The following PAK5 variants were observed in gnomAD, a reference collection of about 807,000 sequenced individuals.
PAK5 encodes the protein serine/threonine-protein kinase PAK 5.
In PAK5, 16 loss-of-function variants were observed where a neutral mutation model predicts 65.9. The ratio of observed to expected loss-of-function variants is 0.24; its 90% CI spans 0.16 to 0.37. The LOEUF is 0.37. PAK5 is among the 10% of genes least tolerant of loss of function. The probability of loss-of-function intolerance (pLI) is 1.00; values close to 1 mark genes in which losing one functional copy is unlikely to be tolerated. For synonymous variants in PAK5, 371 were observed against 354.9 expected, an observed-to-expected ratio of 1.05 and a Z score of -0.51; for missense variants, 785 against 903.9, an observed-to-expected ratio of 0.87 and a Z score of 1.69.
chr20:9,626,145 A>C (rs573938636), intron 3 of PAK5, among the ~76,000 whole-genome samples: 31 of 152,386 alleles, frequency 2.0e-4, no homozygotes, highest in African/African-American at 6.0e-4. Context: ...AAAATAAACT[A>C]ACAATCAACA....
chr20:9,571,288 C>G (rs763637123), intron 4 of PAK5, among the ~76,000 whole-genome samples: 1 of 152,208 alleles, frequency 6.6e-6, no homozygotes, highest in Non-Finnish European at 1.5e-5. Context: ...GATCTTAACC[C>G]ACATGCGGGG....
At position 9,644,192 on chromosome 20, in the gene PAK5, G is replaced by A. The variant is rs1184049921; in HGVS notation, c.137C>T (p.Thr46Met). 2.5e-6 allele frequency: 4 copies of A among 1,609,712 alleles called. No homozygotes were observed. Among genetic ancestry groups the A allele is most frequent in the East Asian group, 2.2e-5 (1 of 44,828 alleles). The change falls in exon 3 of 10, where the codon ACG (threonine) becomes ATG (methionine). Residue 46 changes from threonine (T) to methionine (M), a missense_variant. Coordinates refer to ENST00000353224, the MANE Select transcript of PAK5 (RefSeq NM_177990.4). ...PQQWHSLLAD[T>M]ANRPKPMVDP... ...CACCATAGGCTTTGGCCTGTTGGCC[G>A]TATCTGCTAACAGGCTGTGCCACTG...
intron 1 of PAK5, among the ~76,000 whole-genome samples, chr20:9,796,177 A>T (rs945132949): frequency 2.0e-5 from 3 of 152,130 alleles, no homozygotes; most frequent in African/African-American, 7.2e-5. Flanking sequence ...ATGAACTCTT[A>T]GATCTACTAG....
chr20:9,750,489 G>C (rs1413769261), intron 1 of PAK5, among the ~76,000 whole-genome samples: 1 of 152,078 alleles, frequency 6.6e-6, no homozygotes, highest in Non-Finnish European at 1.5e-5. Flanking sequence ...AAAGCACTAT[G>C]TATTTGACGA....
chr20:9,792,608 T>C (rs1219996267), intron 1 of PAK5, among the ~76,000 whole-genome samples: 1 of 152,136 alleles, frequency 6.6e-6, no homozygotes, highest in Non-Finnish European at 1.5e-5. Context: ...GAAACTTAAG[T>C]GGAGACAATC....
chr20:9,564,698 A>G (rs569093849), intron 5 of PAK5, among the ~76,000 whole-genome samples: 2 of 152,262 alleles, frequency 1.3e-5, no homozygotes, highest in South Asian at 2.1e-4. Context: ...AATCTAATAA[A>G]TTATCAGATA....
chr20:9,563,461 ACTAT>A (rs1321946086), intron 5 of PAK5, among the ~76,000 whole-genome samples: 3 of 152,204 alleles, frequency 2.0e-5, no homozygotes, highest in African/African-American at 7.2e-5. Context: ...AATGAAGTAA[ACTAT>A]CTATTATTAG....
intron 2 of PAK5, among the ~76,000 whole-genome samples, chr20:9,706,813 A>G (rs903534651): frequency 6.6e-6 from 1 of 151,656 alleles, no homozygotes; most frequent in African/African-American, 2.4e-5. Context: ...CAACCTACAA[A>G]TTTTTTTCTA....
intron 2 of PAK5, among the ~76,000 whole-genome samples, chr20:9,646,826 G>A (rs1445277131): frequency 6.6e-6 from 1 of 152,190 alleles, no homozygotes; most frequent in Non-Finnish European, 1.5e-5. Context: ...TGGAAGATGA[G>A]GGGCTGTGTA....
intron 3 of PAK5, among the ~76,000 whole-genome samples, chr20:9,592,010 A>C (rs996064476): frequency 6.6e-6 from 1 of 152,210 alleles, no homozygotes; most frequent in Admixed American, 6.5e-5. Context: ...CATATTTCAG[A>C]AATTGACTGT....
At chr20:9,586,689 A>G (rs1418075225) in intron 3 of PAK5, among the ~76,000 whole-genome samples, 2 of 152,122 alleles carry the variant, frequency 1.3e-5, no homozygotes, top group Non-Finnish European at 2.9e-5. Context: ...TTGTCTCCCA[A>G]GTGTGTTCAT....
At chr20:9,668,889 G>A (rs73240999) in intron 2 of PAK5, among the ~76,000 whole-genome samples, 9,225 of 152,268 alleles carry the variant, frequency 0.061, 289 homozygotes, top group Middle Eastern at 0.085. Flanking sequence ...GGGAAGGCAC[G>A]AGGAGCCTGC....
chr20:9,766,388 G>A lies in PAK5; in HGVS notation c.-161-54953C>T, dbSNP rs979097358. On this transcript the variant is annotated intron_variant, in intron 1 of 9. Transcript: ENST00000353224. Reference sequence around the variant, plus strand: ...ATATATATTCAAGCAGAATATATATGTATATATATATTCAAGCAGAATATA... The same window carrying A: ...ATATATATTCAAGCAGAATATATATATATATATATATTCAAGCAGAATATA... Among the ~76,000 whole-genome samples the A allele has an allele frequency of 0.014, 651 of 47,298 alleles. 147 individuals carry two copies. The East Asian group carries it at 0.14, about 10-fold the overall frequency. The allele number at this position is 47,298 out of a possible 152,430, so 31.0% of individuals were successfully genotyped here.
chr20:9,655,315 C>T (rs986512212), intron 2 of PAK5, among the ~76,000 whole-genome samples: 2 of 152,070 alleles, frequency 1.3e-5, no homozygotes, highest in African/African-American at 4.8e-5. Flanking sequence ...GTTTCAAATC[C>T]AGACCATTTT....
At chr20:9,663,061 T>C (rs965025065) in intron 2 of PAK5, among the ~76,000 whole-genome samples, 1 of 152,220 alleles carries the variant, frequency 6.6e-6, no homozygotes. Context: ...TGTCAGTCAA[T>C]AGAGTTGTTA....
intron 1 of PAK5, among the ~76,000 whole-genome samples, chr20:9,717,306 TATTATTCCCTGAG>T (rs1239683897): frequency 6.6e-6 from 1 of 152,196 alleles, no homozygotes; most frequent in Non-Finnish European, 1.5e-5. Context: ...TGAGGCAATT[TATTATTCCCTGAG>T]ATTATTTACT....
At chr20:9,568,995 T>C (rs939560650) in intron 4 of PAK5, among the ~76,000 whole-genome samples, 2 of 152,222 alleles carry the variant, frequency 1.3e-5, no homozygotes, top group South Asian at 4.1e-4. Flanking sequence ...TTCAGATGAC[T>C]GTGTTCCTGT....
chr20:9,713,509 C>A (rs1015587036), intron 1 of PAK5, among the ~76,000 whole-genome samples: 26 of 152,142 alleles, frequency 1.7e-4, no homozygotes, highest in African/African-American at 6.3e-4. Context: ...AATCCCACTG[C>A]TGAGTATATA....
chr20:9,633,823 C>T (rs2046952564), intron 3 of PAK5, among the ~76,000 whole-genome samples: 1 of 152,200 alleles, frequency 6.6e-6, no homozygotes, highest in East Asian at 1.9e-4. Context: ...CATTTTGAAC[C>T]ATGAGAAGAG....
Sources: allele counts gnomAD v4.1 joint callset (sites outside exome capture counted in the v4.1 genomes callset), GRCh38; gene constraint gnomAD v4.1.1; transcripts MANE v1.5; gene names NCBI Gene and HGNC (gene_info 2026-07-23, HGNC 2026-07-21).